TAFA5: variants seen among roughly 807,000 people sequenced by gnomAD.
The protein encoded by TAFA5 is chemokine-like protein TAFA-5.
In TAFA5, 6 loss-of-function variants were observed where a neutral mutation model predicts 15.3. That is an observed-to-expected ratio of 0.39 (90% CI 0.21 to 0.77). TAFA5 has a LOEUF of 0.77. TAFA5 is among the 30% of genes least tolerant of loss of function. The pLI, the probability that TAFA5 is intolerant of heterozygous loss-of-function variation, is 0.41. For synonymous variants in TAFA5, 103 were observed against 80.7 expected, an observed-to-expected ratio of 1.28 and a Z score of -1.48; for missense variants, 161 against 193.1, an observed-to-expected ratio of 0.83 and a Z score of 0.98.
chr22:48,706,523 G>A (rs187622045), intron 2 of TAFA5, among the ~76,000 whole-genome samples: 1 of 152,276 alleles, frequency 6.6e-6, no homozygotes, highest in East Asian at 1.9e-4. Flanking sequence ...CTAGAGCCTC[G>A]GACCCAAACT....
intron 1 of TAFA5, among the ~76,000 whole-genome samples, chr22:48,594,261 G>C (rs28625923): frequency 6.6e-6 from 1 of 152,362 alleles, no homozygotes; most frequent in Non-Finnish European, 1.5e-5. Flanking sequence ...CTATGCAGCA[G>C]ATCCTGGCAG....
intron 2 of TAFA5, among the ~76,000 whole-genome samples, chr22:48,701,608 G>A (rs1218149229): frequency 2.6e-5 from 4 of 152,190 alleles, no homozygotes; most frequent in Non-Finnish European, 5.9e-5. Flanking sequence ...TTCAAGGGTC[G>A]CCCAACCGTT....
At chr22:48,711,401 C>T (rs1279394985) in intron 3 of TAFA5, among the ~76,000 whole-genome samples, 1 of 150,724 alleles carries the variant, frequency 6.6e-6, no homozygotes, top group East Asian at 2.0e-4. Context: ...GTGCTCACTC[C>T]AGGGGACCGG....
At chr22:48,494,960 C>T (rs527246646) in intron 1 of TAFA5, among the ~76,000 whole-genome samples, 3 of 152,336 alleles carry the variant, frequency 2.0e-5, no homozygotes, top group Admixed American at 6.5e-5. Flanking sequence ...TCCAACTAGG[C>T]GAGCGGGACT....
intron 2 of TAFA5, among the ~76,000 whole-genome samples, chr22:48,676,473 A>G (rs568359504): frequency 4.8e-4 from 73 of 152,326 alleles, no homozygotes; most frequent in Admixed American, 1.5e-3. Context: ...TCAGAGGCGC[A>G]GGGGGAACAG....
Position 48,536,413 on chromosome 22 carries a change from A to G in TAFA5, c.112+46709A>G, listed in dbSNP as rs76169281. Among the ~76,000 whole-genome samples the G allele has an allele frequency of 4.1e-3, 623 of 152,332 alleles. 7 individuals carry two copies. Among genetic ancestry groups the G allele is most frequent in the African/African-American group, 0.015 (606 of 41,598 alleles). On this transcript the variant is annotated intron_variant, in intron 1 of 3. Transcript: ENST00000402357. ...GCCCGGAGAGGCAGGCCGTCCTTTC[A>G]GCCCTGACAGCGTGTCAGCACCGGG... is the stretch of plus-strand genomic sequence containing the variant.
intron 3 of TAFA5, among the ~76,000 whole-genome samples, chr22:48,730,359 C>T (rs770419338): frequency 5.5e-4 from 84 of 151,748 alleles, no homozygotes; most frequent in Admixed American, 1.4e-3. Context: ...GCACTCCAGC[C>T]TGGGCGACAG....
chr22:48,519,671 G>A (rs903459382), intron 1 of TAFA5, among the ~76,000 whole-genome samples: 4 of 152,186 alleles, frequency 2.6e-5, no homozygotes, highest in African/African-American at 9.7e-5. Context: ...GGCGGTGGCG[G>A]GCAAATCGCG....
intron 1 of TAFA5, among the ~76,000 whole-genome samples, chr22:48,619,322 G>C (rs867086052): frequency 2.0e-5 from 3 of 151,656 alleles, no homozygotes; most frequent in Non-Finnish European, 4.4e-5. Flanking sequence ...GAGAGGGTGT[G>C]GGTGAAGGCA....
At chr22:48,720,712 G>A (rs1929543182) in intron 3 of TAFA5, among the ~76,000 whole-genome samples, 1 of 152,178 alleles carries the variant, frequency 6.6e-6, no homozygotes, top group Non-Finnish European at 1.5e-5. Context: ...CAATGGAAAT[G>A]CAATGCCTTG....
chr22:48,702,717 C>T (rs1324158574), intron 2 of TAFA5, among the ~76,000 whole-genome samples: 2 of 152,218 alleles, frequency 1.3e-5, no homozygotes, highest in African/African-American at 4.8e-5. Context: ...TCCCTGAGAG[C>T]TATTGCAACA....
intron 1 of TAFA5, among the ~76,000 whole-genome samples, chr22:48,518,716 C>T (rs1921501888): frequency 6.6e-6 from 1 of 152,116 alleles, no homozygotes; most frequent in Non-Finnish European, 1.5e-5. Context: ...GCAGAGGAAA[C>T]AGGTCCCCTA....
chr22:48,547,508 G>C (rs1922717235), intron 1 of TAFA5: 1 of 152,256 alleles, frequency 6.6e-6, no homozygotes, highest in African/African-American at 2.4e-5. Context: ...GGGGAGACGG[G>C]CACCAGCCAT....
At chr22:48,574,866 C>A (rs1923705979) in intron 1 of TAFA5, among the ~76,000 whole-genome samples, 1 of 152,170 alleles carries the variant, frequency 6.6e-6, no homozygotes, top group South Asian at 2.1e-4. Context: ...AAACAAAGAC[C>A]CTTTCTTCCT....
At chr22:48,717,366 C>T (rs546159592) in intron 3 of TAFA5, among the ~76,000 whole-genome samples, 2 of 151,998 alleles carry the variant, frequency 1.3e-5, no homozygotes, top group South Asian at 4.2e-4. Flanking sequence ...AGGAGCCCTG[C>T]ACATCCCAGG....
chr22:48,718,761 C>T (rs1167091123), intron 3 of TAFA5, among the ~76,000 whole-genome samples: 1 of 152,202 alleles, frequency 6.6e-6, no homozygotes, highest in Non-Finnish European at 1.5e-5. Context: ...CCACCCCCGC[C>T]CCCCAACCTT....
chr22:48,537,682 C>G (rs1197571329), intron 1 of TAFA5, among the ~76,000 whole-genome samples: 1 of 152,238 alleles, frequency 6.6e-6, no homozygotes, highest in Non-Finnish European at 1.5e-5. Flanking sequence ...GGCACTGCAG[C>G]CAGGGTCCTG....
At chr22:48,724,900 G>A (rs910244642) in intron 3 of TAFA5, among the ~76,000 whole-genome samples, 5 of 152,260 alleles carry the variant, frequency 3.3e-5, no homozygotes, top group Non-Finnish European at 7.3e-5. Context: ...AAGGCAGTGG[G>A]TGGAGGTAAG....
intron 1 of TAFA5, among the ~76,000 whole-genome samples, chr22:48,632,323 G>A (rs894192822): frequency 3.3e-5 from 5 of 152,184 alleles, no homozygotes; most frequent in Admixed American, 6.5e-5. Context: ...ATTTTACACA[G>A]TGAGAAACCC....
Sources: allele counts gnomAD v4.1 joint callset (sites outside exome capture counted in the v4.1 genomes callset), GRCh38; gene constraint gnomAD v4.1.1; transcripts MANE v1.5; gene names NCBI Gene and HGNC (gene_info 2026-07-23, HGNC 2026-07-21).